The following BICRA variants were observed in gnomAD, a reference collection of about 807,000 sequenced individuals.
BICRA encodes BRD4-interacting chromatin-remodeling complex-associated protein.
Under a neutral mutation model 96.9 loss-of-function variants are expected in BICRA, and 31 were observed. The observed-to-expected ratio is 0.32, with a 90% CI of 0.24 to 0.43. The LOEUF (loss-of-function observed/expected upper bound fraction) is 0.43, where lower values mean the gene tolerates loss of function less well. Among genes scored for constraint, BICRA ranks in the 20% least tolerant of loss-of-function variants. The pLI is 1.00. For synonymous variants in BICRA, 1,350 were observed against 1,071.8 expected, an observed-to-expected ratio of 1.26 and a Z score of -5.07; for missense variants, 2,283 against 2,190.3, an observed-to-expected ratio of 1.04 and a Z score of -0.84.
In BICRA at chr19:47,680,454, G is replaced by T. The variant is rs1484909949; in HGVS notation, c.1284G>T (p.Pro428=). The change falls in exon 6 of 15, where the codon CCG becomes CCT. Residue 428 remains proline (P), a synonymous_variant. Coordinates refer to ENST00000594866, the MANE Select transcript of BICRA (RefSeq NM_001394372.1). Reference sequence around the variant, plus strand: ...AAGCGAACGTCTTCAAGCAGCCACCGGCCACCACCACCGGAGCGGCCCCGC... The same window carrying T: ...AAGCGAACGTCTTCAAGCAGCCACCTGCCACCACCACCGGAGCGGCCCCGC... ...ALQANVFKQP[P]ATTTGAAPPQ... The T allele has an allele frequency of 3.2e-6, 5 of 1,539,580 alleles. No homozygotes were observed. The highest frequency in any genetic ancestry group is 3.5e-6 in the Non-Finnish European group (4 of 1,146,046).
At chr19:47,668,036 C>G (rs905909949) in intron 1 of BICRA, among the ~76,000 whole-genome samples, 1 of 149,744 alleles carries the variant, frequency 6.7e-6, no homozygotes, top group African/African-American at 2.5e-5. Flanking sequence ...TCAGACCAGC[C>G]TGGCTGACAT....
rs985787594 is a variant in BICRA, at chr19:47,703,236, A to C, written c.*821A>C. On this transcript the variant is annotated 3_prime_UTR_variant, in exon 15 of 15. Transcript: ENST00000594866. ...TTAAAGGAGAATTCTGTACATTTAGAACTCTTGTAAATTAAAAACCGATCC... is the reference window on the plus strand; with the variant it reads ...TTAAAGGAGAATTCTGTACATTTAGCACTCTTGTAAATTAAAAACCGATCC... 6.6e-6 allele frequency: 1 copy of C among 152,488 alleles called. No individual in the cohort carries two copies. The highest frequency in any genetic ancestry group is 2.4e-5 in the African/African-American group (1 of 41,392). 9.4% of individuals were successfully genotyped at this position (152,488 alleles called of 1,614,324 possible).
chr19:47,653,800 A>G (rs1368383703), intron 1 of BICRA, among the ~76,000 whole-genome samples: 1 of 152,148 alleles, frequency 6.6e-6, no homozygotes, highest in East Asian at 1.9e-4. Flanking sequence ...CTTGCAAGTA[A>G]AGGTGCTGCG....
intron 7 of BICRA, among the ~76,000 whole-genome samples, chr19:47,688,721 G>A (rs1053452533): frequency 2.6e-5 from 4 of 152,052 alleles, no homozygotes; most frequent in African/African-American, 4.8e-5. Flanking sequence ...CCCGGGAGGC[G>A]GAGGTTGCAG....
chr19:47,619,121 C>T (rs1972024612), intron 1 of BICRA, among the ~76,000 whole-genome samples: 1 of 152,028 alleles, frequency 6.6e-6, no homozygotes, highest in South Asian at 2.1e-4. Context: ...ATTTCTCTCC[C>T]TAGAACGTGC....
At chr19:47,610,778 A>G (rs1971893945) in intron 1 of BICRA, among the ~76,000 whole-genome samples, 1 of 152,076 alleles carries the variant, frequency 6.6e-6, no homozygotes. Context: ...AACCTCTCCC[A>G]GCACCTGGGG....
chr19:47,682,673 TCTC>T (rs1973084267), intron 7 of BICRA, among the ~76,000 whole-genome samples: 1 of 134,076 alleles, frequency 7.5e-6, no homozygotes, highest in African/African-American at 3.1e-5. Context: ...TCATTCTCTC[TCTC>T]TTTTTTTTTT....
chr19:47,656,742 G>A (rs1972624514), intron 1 of BICRA, among the ~76,000 whole-genome samples: 3 of 152,136 alleles, frequency 2.0e-5, no homozygotes, highest in South Asian at 4.1e-4. Context: ...TAGAGAACAC[G>A]TCCATCATCT....
chr19:47,608,893 GTT>G (rs368469481), upstream of BICRA, among the ~76,000 whole-genome samples: 20,123 of 129,330 alleles, frequency 0.16, 1,679 homozygotes, highest in African/African-American at 0.21. Flanking sequence ...AACCTGAGAG[GTT>G]TTTTTTTTTT....
At chr19:47,638,585 GCTCTCTCTGTTT>G (rs908482372) in intron 1 of BICRA, among the ~76,000 whole-genome samples, 2 of 145,130 alleles carry the variant, frequency 1.4e-5, no homozygotes, top group African/African-American at 5.3e-5. Flanking sequence ...TCTGTCACTC[GCTCTCTCTGTTT>G]CTCTCTCTCT....
intron 1 of BICRA, among the ~76,000 whole-genome samples, chr19:47,668,276 G>A (rs1393061718): frequency 2.0e-5 from 3 of 152,102 alleles, no homozygotes; most frequent in African/African-American, 4.8e-5. Context: ...CACAGATCCC[G>A]TATTTGCGAA....
intron 1 of BICRA, among the ~76,000 whole-genome samples, chr19:47,660,253 C>T (rs766670835): frequency 2.6e-5 from 4 of 152,052 alleles, no homozygotes; most frequent in African/African-American, 4.8e-5. Flanking sequence ...CTCGTAGCCA[C>T]GTGACATTAA....
intron 1 of BICRA, among the ~76,000 whole-genome samples, chr19:47,618,750 C>G (rs959138749): frequency 4.6e-5 from 7 of 152,214 alleles, no homozygotes; most frequent in Admixed American, 3.9e-4. Context: ...GAATATCTGT[C>G]TGAGGCTGTG....
At chr19:47,671,857 G>A (rs996500352) in intron 2 of BICRA, among the ~76,000 whole-genome samples, 1 of 144,616 alleles carries the variant, frequency 6.9e-6, no homozygotes, top group South Asian at 2.4e-4. Flanking sequence ...GGAGGGATGG[G>A]TAGGTAGATG....
chr19:47,651,100 C>T (rs957498806), intron 1 of BICRA, among the ~76,000 whole-genome samples: 38 of 152,090 alleles, frequency 2.5e-4, no homozygotes, highest in African/African-American at 3.9e-4. Flanking sequence ...CCATTACCGT[C>T]GCCCCCTCTC....
At chr19:47,634,379 A>G (rs978050191) in intron 1 of BICRA, among the ~76,000 whole-genome samples, 5 of 152,196 alleles carry the variant, frequency 3.3e-5, no homozygotes, top group Non-Finnish European at 7.3e-5. Context: ...GGCTGTGCCC[A>G]CTTTGGTGGG....
chr19:47,663,311 G>C (rs1004991894), intron 1 of BICRA: 3 of 152,228 alleles, frequency 2.0e-5, no homozygotes, highest in Non-Finnish European at 4.4e-5. Context: ...ACTTGAACCT[G>C]GGAGGCGGAG....
chr19:47,696,587 A>C (rs1298799650), intron 11 of BICRA, 75 bp downstream of exon 11: 1 of 1,429,506 alleles, frequency 7.0e-7, no homozygotes, highest in Non-Finnish European at 9.6e-7. Flanking sequence ...GCCACCCTCC[A>C]GAAGCAGAGT....
chr19:47,641,721 A>G (rs1462851070), intron 1 of BICRA, among the ~76,000 whole-genome samples: 1 of 152,162 alleles, frequency 6.6e-6, no homozygotes, highest in African/African-American at 2.4e-5. Flanking sequence ...ATTTTTTTCT[A>G]TTCCTGTGAA....
Sources: allele counts gnomAD v4.1 joint callset (sites outside exome capture counted in the v4.1 genomes callset), GRCh38; gene constraint gnomAD v4.1.1; transcripts MANE v1.5; gene names NCBI Gene and HGNC (gene_info 2026-07-23, HGNC 2026-07-21).